The following FAM114A2 variants were observed in gnomAD, a reference collection of about 807,000 sequenced individuals.
FAM114A2 encodes protein FAM114A2.
Under a neutral mutation model 58.4 loss-of-function variants are expected in FAM114A2, and 53 were observed. The ratio of observed to expected loss-of-function variants is 0.91; its 90% confidence interval spans 0.73 to 1.14. The LOEUF is 1.14. FAM114A2 is among the 50% of genes most tolerant of loss of function. FAM114A2 has a pLI of 0.00. For synonymous variants in FAM114A2, 228 were observed against 211.4 expected (o/e 1.08, Z -0.68); for missense variants, 601 against 581.1 (o/e 1.03, Z -0.35).
At chr5:154,036,846 A>T (rs897042922) in intron 1 of FAM114A2, 1 of 151,822 alleles carries the variant, frequency 6.6e-6, no homozygotes, top group Non-Finnish European at 1.5e-5. Context: ...ACATTTAAAA[A>T]TCAGACTTCA....
rs780378133 is a variant in FAM114A2, at chr5:154,002,935, G to C, written c.1028C>G (p.Ser343Cys). 6.2e-7 allele frequency: 1 copy of C among 1,613,834 alleles called. No individual in the cohort carries two copies. The highest frequency in any genetic ancestry group is 8.5e-7 in the Non-Finnish European group (1 of 1,179,778). The stretch of plus-strand genomic sequence containing the variant: ...ATTCTCTGCTAATGGCTTGGTCAGA[G>C]ACTTCCTGATCCATTCGTGGGCGGT... Reference protein sequence around the residue: ...RNTAHEWIRKSLTKPLAENEE... With the variant: ...RNTAHEWIRKCLTKPLAENEE... The change falls in exon 10 of 14, where the codon TCT becomes TGT. Residue 343 changes from serine (S) to cysteine (C), a missense_variant. Transcript: ENST00000351797.
intron 12 of FAM114A2, chr5:153,995,286 T>C: frequency 9.5e-6 from 2 of 210,856 alleles, no homozygotes; most frequent in Non-Finnish European, 9.5e-6. Context: ...ATATGGAACA[T>C]GTGCTCAAAA....
chr5:154,023,570 C>T (rs1289087226), intron 8 of FAM114A2, among the ~76,000 whole-genome samples: 1 of 152,040 alleles, frequency 6.6e-6, no homozygotes, highest in Non-Finnish European at 1.5e-5. Context: ...AGGAGCTAAG[C>T]TATGAGGATG....
chr5:154,015,703 C>A (rs1373671456), intron 8 of FAM114A2, among the ~76,000 whole-genome samples: 2 of 152,056 alleles, frequency 1.3e-5, no homozygotes, highest in East Asian at 3.9e-4. Context: ...GGTAATATGA[C>A]AAAACAAGGT....
chr5:154,027,186 C>T lies in FAM114A2; in HGVS notation c.779G>A (p.Ser260Asn), dbSNP rs375880249. The T allele has an allele frequency of 7.5e-6, 12 of 1,608,534 alleles. No homozygotes were observed. Among genetic ancestry groups the T allele is most frequent in the African/African-American group, 1.3e-5 (1 of 74,438 alleles). ...TTGGCTTGGAATTACCTTTATTTCA[C>T]TTTCTTGGGAAAGCATCTCCAGAGC... The part of the protein sequence containing the change: ...LEALEMLSQE[S>N]EIKVKSILNS... The change falls in exon 7 of 14, where the codon AGT becomes AAT. Residue 260 changes from serine (S) to asparagine (N), a missense_variant. Ser to Asn is a conservative substitution (Grantham distance 46, BLOSUM62 1). Transcript: ENST00000351797.
At chr5:154,007,718 G>GTTTA (rs1770446364) in intron 9 of FAM114A2, among the ~76,000 whole-genome samples, 1 of 152,134 alleles carries the variant, frequency 6.6e-6, no homozygotes. Flanking sequence ...CATAATAAAG[G>GTTTA]TTTATTGAAC....
intron 2 of FAM114A2, 95 bp downstream of exon 2, chr5:154,034,649 C>A: frequency 1.1e-6 from 1 of 884,938 alleles, no homozygotes; most frequent in Non-Finnish European, 1.8e-6. Flanking sequence ...AAGAGCAATT[C>A]TAAATTGGTA....
chr5:154,018,830 A>C (rs952742312), intron 8 of FAM114A2, among the ~76,000 whole-genome samples: 10 of 152,256 alleles, frequency 6.6e-5, no homozygotes, highest in African/African-American at 2.4e-4. Flanking sequence ...CAATCAATGC[A>C]GAAAAAGCAT....
intron 13 of FAM114A2, chr5:153,994,568 C>A (rs185733186): frequency 6.4e-5 from 11 of 172,740 alleles, no homozygotes; most frequent in African/African-American, 1.6e-4. Context: ...AAACTTTAGT[C>A]CTAAATTAGG....
chr5:154,025,149 G>A (rs1473545655), intron 8 of FAM114A2, among the ~76,000 whole-genome samples: 1 of 152,134 alleles, frequency 6.6e-6, no homozygotes, highest in African/African-American at 2.4e-5. Context: ...CTCAAATAAT[G>A]TAAGTGCTTT....
At chr5:154,003,464 C>T (rs1245391892) in intron 9 of FAM114A2, among the ~76,000 whole-genome samples, 3 of 152,176 alleles carry the variant, frequency 2.0e-5, no homozygotes, top group African/African-American at 7.2e-5. Flanking sequence ...CAGGCATGAG[C>T]CACTGCGCCC....
Position 154,002,326 on chromosome 5 carries a change from T to C in FAM114A2, c.1181A>G (p.His394Arg). Residue 394 changes from histidine (H) to arginine (R), a missense_variant, in exon 11 of 14, where the codon CAC (histidine) becomes CGC (arginine). Transcript: ENST00000351797. ...ELTACSIELF[H>R]KTAALVLHGR... ...ATGCAGAACCAATGCAGCTGTTTTG[T>C]GGAATAGTTCAATTGAGCAGGCAGT... 1 of 1,614,100 alleles carries C rather than the reference T, an allele frequency of 6.2e-7. No homozygotes were observed. The highest frequency in any genetic ancestry group is 8.5e-7 in the Non-Finnish European group (1 of 1,179,926).
Position 153,991,856 on chromosome 5 carries a change from G to A in FAM114A2, c.*1120C>T, listed in dbSNP as rs1339282969. On this transcript the variant is annotated 3_prime_UTR_variant, in exon 14 of 14. Coordinates refer to ENST00000351797, the MANE Select transcript of FAM114A2 (RefSeq NM_018691.4). Reference sequence around the variant, plus strand: ...TAATCATTAAAAAACCACAAAGTTGGAGAATTTTTTTAAAAAGAGTGGATA... The same window carrying A: ...TAATCATTAAAAAACCACAAAGTTGAAGAATTTTTTTAAAAAGAGTGGATA... 2.6e-5 allele frequency: 4 copies of A among 152,074 alleles called. No individual in the cohort carries two copies. Among genetic ancestry groups the A allele is most frequent in the African/African-American group, 4.8e-5 (2 of 41,440 alleles). 9.4% of individuals were successfully genotyped at this position (152,074 alleles called of 1,614,324 possible). A position where few individuals can be genotyped will look rare whatever the true frequency, so the allele number is the denominator to read the frequency against.
rs373430737 is a variant in FAM114A2 at position 154,001,466 on chromosome 5, G to C, written c.1256+785C>G. On this transcript the variant is annotated intron_variant, in intron 11 of 13. Coordinates refer to ENST00000351797, the MANE Select transcript of FAM114A2 (RefSeq NM_018691.4). ...GGGTTGTGAGTCTCTCATCCTTAAG[G>C]AAGTTCAAGAAGACAAATTAGCCCC... is the stretch of plus-strand genomic sequence containing the variant. Among the ~76,000 whole-genome samples, 18 of 152,262 alleles carry C rather than the reference G, an allele frequency of 1.2e-4. No homozygotes were observed. The East Asian group carries it at 3.5e-3, about 29-fold the overall frequency.
At chr5:154,029,745 A>G (rs1472285790) in intron 4 of FAM114A2, among the ~76,000 whole-genome samples, 165 bp from the exon 5 acceptor site, 1 of 152,202 alleles carries the variant, frequency 6.6e-6, no homozygotes, top group Non-Finnish European at 1.5e-5. Flanking sequence ...ATGAAAGCTA[A>G]GATAGGCAGT....
At chr5:154,034,183 TGGAA>T (rs1772379223) in intron 3 of FAM114A2, 91 bp downstream of exon 3, 3 of 780,590 alleles carry the variant, frequency 3.8e-6, no homozygotes, top group Non-Finnish European at 6.3e-6. Flanking sequence ...TGAGTAAACA[TGGAA>T]GGAAGAAGAA....
rs1769283332 is a variant in FAM114A2, at chr5:153,992,212, A to T, written c.*764T>A. 1 of 152,192 alleles carries T rather than the reference A, an allele frequency of 6.6e-6. No homozygotes were observed. The highest frequency in any genetic ancestry group is 1.5e-5 in the Non-Finnish European group (1 of 68,046). The allele number at this position is 152,192 out of a possible 1,614,324, so 9.4% of individuals were successfully genotyped here. ...TAGACACGAAACACATCCTGAAGAG[A>T]CTCAGAATATCTGCAAACATAAAAC... On this transcript the variant is annotated 3_prime_UTR_variant, in exon 14 of 14. Coordinates refer to ENST00000351797, the MANE Select transcript of FAM114A2 (RefSeq NM_018691.4).
chr5:153,996,246 A>G (rs907775853), intron 12 of FAM114A2, among the ~76,000 whole-genome samples: 3 of 152,200 alleles, frequency 2.0e-5, no homozygotes, highest in Admixed American at 2.0e-4. Flanking sequence ...AAACCCATAT[A>G]TCTATGGCCA....
intron 10 of FAM114A2, among the ~76,000 whole-genome samples, 162 bp downstream of exon 10, chr5:154,002,685 C>T (rs955812890): frequency 4.6e-5 from 7 of 152,036 alleles, no homozygotes; most frequent in African/African-American, 1.7e-4. Context: ...TTTTTTTCTT[C>T]ACTCCTCCTT....
Sources: gnomAD v4.1 joint callset for allele counts (sites outside exome capture counted in the v4.1 genomes callset) on GRCh38, gnomAD v4.1.1 for gene constraint, MANE v1.5 for transcripts, NCBI Gene and HGNC (gene_info 2026-07-23, HGNC 2026-07-21) for gene names.